Variants in TAFA4 observed in about 807,000 individuals in gnomAD.
TAFA4 encodes the protein TAFA chemokine like family member 4.
TAFA4 carries 20 observed loss-of-function variants against 21.1 expected under a neutral mutation model. The ratio of observed to expected loss-of-function variants is 0.95; its 90% confidence interval spans 0.67 to 1.38. The LOEUF is 1.38. Ranked by LOEUF, TAFA4 falls within the 40% of genes most tolerant of loss-of-function variation. The pLI is 0.00. For missense variants in TAFA4, 211 were observed against 180.9 expected (o/e 1.17, Z -0.95); for synonymous variants, 71 against 67.4 (o/e 1.05, Z -0.26).
At chr3:68,839,298 T>C (rs1199807009) in intron 3 of TAFA4, among the ~76,000 whole-genome samples, 2 of 152,188 alleles carry the variant, frequency 1.3e-5, no homozygotes, top group Non-Finnish European at 2.9e-5. Flanking sequence ...AGCAAAGACC[T>C]GAATGAAGTG....
At chr3:68,785,780 G>A (rs1013391852) in intron 3 of TAFA4, among the ~76,000 whole-genome samples, 5 of 152,164 alleles carry the variant, frequency 3.3e-5, no homozygotes, top group African/African-American at 1.2e-4. Flanking sequence ...CAGAGGAGGT[G>A]CCGAGAGTGA....
chr3:68,833,890 A>G (rs1704459119), intron 3 of TAFA4, among the ~76,000 whole-genome samples: 1 of 152,224 alleles, frequency 6.6e-6, no homozygotes, highest in African/African-American at 2.4e-5. Flanking sequence ...AAATTGCTCT[A>G]AGTTTCAGTT....
At chr3:68,891,508 T>C (rs2089730580) in intron 1 of TAFA4, among the ~76,000 whole-genome samples, 1 of 152,152 alleles carries the variant, frequency 6.6e-6, no homozygotes, top group Non-Finnish European at 1.5e-5. Context: ...GATAGCCTGG[T>C]GCCTTCTGTA....
At chr3:68,739,773 C>CAAAGTCA (rs891097686) in intron 4 of TAFA4, among the ~76,000 whole-genome samples, 4 of 152,080 alleles carry the variant, frequency 2.6e-5, no homozygotes, top group African/African-American at 9.7e-5. Flanking sequence ...AACCCAGAAA[C>CAAAGTCA]AAAGTCAAAA....
chr3:68,758,479 T>C lies in TAFA4; in HGVS notation c.131-5461A>G, dbSNP rs544301575. On this transcript the variant is annotated intron_variant, in intron 3 of 5. Transcript: ENST00000295569. ...AAGGGGAGTTCCCCTGCACACACTC[T>C]TGCCTGCTGCCACGTTAAGACGTGA... is the stretch of plus-strand genomic sequence containing the variant. 2.1e-4 allele frequency among the ~76,000 whole-genome samples: 32 copies of C among 152,314 alleles called. No homozygotes were observed. In the South Asian group the frequency reaches 6.2e-3, roughly 30 times the overall value.
chr3:68,884,189 C>T (rs146615218), intron 2 of TAFA4, among the ~76,000 whole-genome samples: 23 of 152,316 alleles, frequency 1.5e-4, no homozygotes, highest in African/African-American at 4.6e-4. Context: ...CCATTCCTCC[C>T]GCTTCCCCTA....
At chr3:68,920,325 C>G (rs184871257) in intron 1 of TAFA4, among the ~76,000 whole-genome samples, 11 of 152,286 alleles carry the variant, frequency 7.2e-5, no homozygotes, top group Admixed American at 3.3e-4. Context: ...CCATACATAA[C>G]TAACATAAAT....
rs543892795 is a variant in TAFA4 at position 68,787,832 on chromosome 3, G to A, written c.131-34814C>T. On this transcript the variant is annotated intron_variant, in intron 3 of 5. Transcript: ENST00000295569. ...TTGGAGCTGCATGTTGTGTAATAAAGCTTCTAGACGAGCACTCAAAACTAG... is the reference window on the plus strand; with the variant it reads ...TTGGAGCTGCATGTTGTGTAATAAAACTTCTAGACGAGCACTCAAAACTAG... Among the ~76,000 whole-genome samples, 3 of 152,344 alleles carry A rather than the reference G, an allele frequency of 2.0e-5. No homozygotes were observed. In the South Asian group the frequency reaches 6.2e-4, roughly 32 times the overall value.
chr3:68,884,924 T>C (rs1210157010), intron 2 of TAFA4, among the ~76,000 whole-genome samples: 1 of 152,230 alleles, frequency 6.6e-6, no homozygotes, highest in African/African-American at 2.4e-5. Context: ...GCCAGAAAGC[T>C]CTTCAGCAAT....
In TAFA4 at chr3:68,766,055, AAGATAGAACTAGAGAATGG is replaced by A. The variant is rs1240944915; in HGVS notation, c.131-13056_131-13038del. On this transcript the variant is annotated intron_variant, in intron 3 of 5. Transcript: ENST00000295569. ...AAGAGACCAAAATAAATAAACAGAA[AAGATAGAACTAGAGAATGG>A]AGAAACAATGACAAGGAACAGAAAA... Among the ~76,000 whole-genome samples the A allele has an allele frequency of 3.3e-5, 5 of 152,182 alleles. No homozygotes were observed. In the East Asian group the frequency reaches 9.6e-4, roughly 29 times the overall value.
chr3:68,761,723 C>T (rs1003736080), intron 3 of TAFA4, among the ~76,000 whole-genome samples: 2 of 152,120 alleles, frequency 1.3e-5, no homozygotes, highest in Non-Finnish European at 2.9e-5. Context: ...GTGATCAGAG[C>T]AGATTAAAGA....
At chr3:68,734,886 C>CTTCT (rs1343576601) in intron 5 of TAFA4, among the ~76,000 whole-genome samples, 1 of 152,130 alleles carries the variant, frequency 6.6e-6, no homozygotes, top group Non-Finnish European at 1.5e-5. Flanking sequence ...TCAAAAGCAT[C>CTTCT]TTCTTTGAGG....
chr3:68,780,408 T>A (rs1364663791), intron 3 of TAFA4, among the ~76,000 whole-genome samples: 1 of 152,176 alleles, frequency 6.6e-6, no homozygotes, highest in Non-Finnish European at 1.5e-5. Context: ...TTCCTACCCA[T>A]ATCTCATCTT....
chr3:68,864,652 C>T (rs1225988599), intron 3 of TAFA4, among the ~76,000 whole-genome samples: 1 of 152,068 alleles, frequency 6.6e-6, no homozygotes, highest in Non-Finnish European at 1.5e-5. Flanking sequence ...ATGTTCACAG[C>T]AGCTGTATTT....
chr3:68,918,756 G>C (rs528609495), intron 1 of TAFA4, among the ~76,000 whole-genome samples: 1 of 152,072 alleles, frequency 6.6e-6, no homozygotes, highest in Non-Finnish European at 1.5e-5. Context: ...GCCCAGATTG[G>C]TCTCGAACTT....
intron 3 of TAFA4, among the ~76,000 whole-genome samples, chr3:68,808,495 C>A (rs532984376): frequency 6.6e-6 from 1 of 152,202 alleles, no homozygotes; most frequent in Non-Finnish European, 1.5e-5. Context: ...CTACTGCCTT[C>A]TTAAACCCTC....
intron 3 of TAFA4, among the ~76,000 whole-genome samples, chr3:68,858,737 A>G (rs755345312): frequency 2.2e-4 from 33 of 152,050 alleles, no homozygotes; most frequent in Non-Finnish European, 4.6e-4. Context: ...GTGTAACGTC[A>G]CACAGCTAGT....
At chr3:68,817,622 A>G (rs2106856580) in intron 3 of TAFA4, among the ~76,000 whole-genome samples, 1 of 152,362 alleles carries the variant, frequency 6.6e-6, no homozygotes, top group Admixed American at 6.5e-5. Flanking sequence ...AGTTGAAATT[A>G]TTCCTTGGTC....
At chr3:68,927,179 T>C (rs1412968253) in intron 1 of TAFA4, among the ~76,000 whole-genome samples, 1 of 152,238 alleles carries the variant, frequency 6.6e-6, no homozygotes, top group Non-Finnish European at 1.5e-5. Flanking sequence ...AAACCTTTGT[T>C]AATTTTTAGA....
Sources: gnomAD v4.1 joint callset for allele counts (sites outside exome capture counted in the v4.1 genomes callset) on GRCh38, gnomAD v4.1.1 for gene constraint, MANE v1.5 for transcripts, NCBI Gene and HGNC (gene_info 2026-07-23, HGNC 2026-07-21) for gene names.